The following LRRC8C variants were observed in gnomAD, a reference collection of about 807,000 sequenced individuals.
The protein encoded by LRRC8C is volume-regulated anion channel subunit LRRC8C.
In LRRC8C, 20 loss-of-function variants were observed where a neutral mutation model predicts 55.3. The observed-to-expected ratio is 0.36, with a 90% confidence interval of 0.25 to 0.53. LRRC8C has a LOEUF of 0.53. LRRC8C is among the 20% of genes least tolerant of loss of function. LRRC8C has a pLI of 0.92. For missense variants in LRRC8C, 659 were observed against 951.4 expected (o/e 0.69, Z 4.04); for synonymous variants, 376 against 360.7 (o/e 1.04, Z -0.48).
rs1205035580 is a variant in LRRC8C, at chr1:89,719,506, AAAAT to A, written c.*4528_*4531del. 1 of 152,234 alleles carries A rather than the reference AAAAT, an allele frequency of 6.6e-6. No homozygotes were observed. Among genetic ancestry groups the A allele is most frequent in the African/African-American group, 2.4e-5 (1 of 41,468 alleles). 9.4% of individuals were successfully genotyped at this position (152,234 alleles called of 1,614,324 possible). A position where few individuals can be genotyped will look rare whatever the true frequency, so the allele number is the denominator to read the frequency against. The stretch of plus-strand genomic sequence containing the variant: ...TGGATATGTAGTACATAGAAACAGA[AAAAT>A]AAAGTCATTTTTATAACTTAAAATA... On this transcript the variant is annotated 3_prime_UTR_variant, in exon 3 of 3. Coordinates refer to ENST00000370454, the MANE Select transcript of LRRC8C (RefSeq NM_032270.5).
rs998198886 is a variant in LRRC8C, at chr1:89,706,607, A to G, written c.139-6102A>G. On this transcript the variant is annotated intron_variant, in intron 2 of 2. Coordinates refer to ENST00000370454, the MANE Select transcript of LRRC8C (RefSeq NM_032270.5). ...CGTTGACCATTCAAGGTATTTCAGT[A>G]TGCAATAGAGCATGCACATACTCCA... 3.9e-5 allele frequency among the ~76,000 whole-genome samples: 6 copies of G among 152,316 alleles called. 1 individual carries two copies. The highest frequency in any genetic ancestry group is 7.3e-5 in the Non-Finnish European group (5 of 68,036).
At chr1:89,643,632 T>C (rs1656531749) in intron 1 of LRRC8C, among the ~76,000 whole-genome samples, 1 of 152,238 alleles carries the variant, frequency 6.6e-6, no homozygotes, top group Non-Finnish European at 1.5e-5. Context: ...ATGAGTTGTG[T>C]TTTTGTAAGT....
chr1:89,700,749 G>T (rs1658294939), intron 2 of LRRC8C, among the ~76,000 whole-genome samples: 1 of 152,204 alleles, frequency 6.6e-6, no homozygotes. Context: ...CAATGAGGTG[G>T]AGGGAGGATG....
intron 1 of LRRC8C, among the ~76,000 whole-genome samples, chr1:89,638,934 TTA>T (rs1656374330): frequency 6.8e-6 from 1 of 146,484 alleles, no homozygotes; most frequent in South Asian, 2.1e-4. Flanking sequence ...ATTAGAGAAT[TTA>T]TGTTTTAAAC....
At chr1:89,707,449 C>T (rs1434332342) in intron 2 of LRRC8C, among the ~76,000 whole-genome samples, 1 of 151,906 alleles carries the variant, frequency 6.6e-6, no homozygotes, top group Non-Finnish European at 1.5e-5. Flanking sequence ...GATATTGGGT[C>T]ACACCCCAGT....
chr1:89,638,370 C>T (rs919466819), intron 1 of LRRC8C, among the ~76,000 whole-genome samples: 5 of 152,048 alleles, frequency 3.3e-5, no homozygotes, highest in Non-Finnish European at 5.9e-5. Flanking sequence ...AACACAGATA[C>T]ACTGTGTATC....
intron 1 of LRRC8C, among the ~76,000 whole-genome samples, chr1:89,633,680 C>T (rs965432470): frequency 6.6e-6 from 1 of 152,144 alleles, no homozygotes; most frequent in Non-Finnish European, 1.5e-5. Context: ...CCGGGGCGAT[C>T]GTTGTTCTTT....
intron 1 of LRRC8C, among the ~76,000 whole-genome samples, chr1:89,645,571 CCA>C (rs1338524965): frequency 1.3e-5 from 2 of 152,098 alleles, no homozygotes; most frequent in Non-Finnish European, 2.9e-5. Flanking sequence ...GGGTATATTA[CCA>C]CAGTCTAACT....
upstream of LRRC8C, chr1:89,631,903 T>A (rs1467151968): frequency 2.0e-5 from 3 of 152,208 alleles, no homozygotes; most frequent in Non-Finnish European, 2.9e-5. Flanking sequence ...TCCTTTTCAT[T>A]TTGGTTTAGA....
chr1:89,666,320 C>T lies in LRRC8C; in HGVS notation c.-4-20150C>T, dbSNP rs559369340. On this transcript the variant is annotated intron_variant, in intron 1 of 2. Transcript: ENST00000370454. ...GATACTGTTAATAATATAAAGGAGACGAGTTAACGGGTGCAGCACACCAAC... is the reference window on the plus strand; with the variant it reads ...GATACTGTTAATAATATAAAGGAGATGAGTTAACGGGTGCAGCACACCAAC... 8.5e-5 allele frequency among the ~76,000 whole-genome samples: 13 copies of T among 152,124 alleles called. No individual in the cohort carries two copies. In the East Asian group the frequency reaches 1.9e-3, roughly 23 times the overall value.
intron 2 of LRRC8C, among the ~76,000 whole-genome samples, chr1:89,687,789 G>A (rs182691176): frequency 3.2e-4 from 48 of 152,284 alleles, no homozygotes; most frequent in African/African-American, 1.1e-3. Context: ...GGAAATCAAC[G>A]TATTATAGAA....
rs1351761114 is a variant in LRRC8C at position 89,713,993 on chromosome 1, C to T, written c.1423C>T (p.His475Tyr). 6.2e-7 allele frequency: 1 copy of T among 1,613,186 alleles called. No individual in the cohort carries two copies. The highest frequency in any genetic ancestry group is 1.3e-5 in the African/African-American group (1 of 74,920). ...AGACAATCTTCAAGAGCTCTCTCTG[C>T]ACCAGTGTTCTGTCAAAATCCACAG... Reference protein sequence around the residue: ...QLDNLQELSLHQCSVKIHSAA... With the variant: ...QLDNLQELSLYQCSVKIHSAA... The change falls in exon 3 of 3, where the codon CAC becomes TAC. Residue 475 changes from histidine to tyrosine, a missense_variant. Transcript: ENST00000370454. This position sits in a 1 kb window ranked among gnomAD's most constrained non-coding sequence, Gnocchi z 5.2.
At chr1:89,615,968 A>G in the LRRC8C span, among the ~76,000 whole-genome samples, 1 of 152,154 alleles carries the variant, frequency 6.6e-6, no homozygotes, top group Non-Finnish European at 1.5e-5. Flanking sequence ...GGTGTTTGCT[A>G]GTGAGAACAT....
chr1:89,645,719 G>A (rs1276324344), intron 1 of LRRC8C, among the ~76,000 whole-genome samples: 2 of 152,082 alleles, frequency 1.3e-5, no homozygotes, highest in African/African-American at 4.8e-5. Context: ...TGAAATATTA[G>A]AGTGTTTTCT....
chr1:89,665,710 T>G (rs1657241051), intron 1 of LRRC8C, among the ~76,000 whole-genome samples: 1 of 152,160 alleles, frequency 6.6e-6, no homozygotes, highest in South Asian at 2.1e-4. Flanking sequence ...ATTTTTTTTA[T>G]AAATTTAGTG....
intron 1 of LRRC8C, among the ~76,000 whole-genome samples, chr1:89,644,645 T>C (rs1365049050): frequency 1.3e-5 from 2 of 152,158 alleles, no homozygotes; most frequent in South Asian, 2.1e-4. Flanking sequence ...AGTCCAAAGG[T>C]AGAGTTTGAA....
At chr1:89,632,462 T>A (rs986323282), upstream of LRRC8C, among the ~76,000 whole-genome samples, 1 of 152,190 alleles carries the variant, frequency 6.6e-6, no homozygotes, top group African/African-American at 2.4e-5. Flanking sequence ...GCTCAAGGGC[T>A]TCATGATCCA....
chr1:89,624,463 C>T, the LRRC8C span, among the ~76,000 whole-genome samples: 1 of 152,180 alleles, frequency 6.6e-6, no homozygotes, highest in Admixed American at 6.5e-5. Flanking sequence ...TGTCATGGAA[C>T]CCAGAGGCTA....
intron 1 of LRRC8C, among the ~76,000 whole-genome samples, chr1:89,659,050 T>TTTTTTG (rs1438203278): frequency 0.024 from 734 of 30,584 alleles, 50 homozygotes; most frequent in African/African-American, 0.071. Context: ...TTCTCCAGGT[T>TTTTTTG]TTTTTTTTTT....
Sources: allele counts gnomAD v4.1 joint callset (sites outside exome capture counted in the v4.1 genomes callset), GRCh38; gene constraint gnomAD v4.1.1; non-coding constraint Gnocchi (gnomAD v3.1); transcripts MANE v1.5; gene names NCBI Gene and HGNC (gene_info 2026-07-23, HGNC 2026-07-21).